Variants in CSMD1 observed in about 807,000 individuals in gnomAD.
CSMD1 encodes the protein CUB and Sushi multiple domains 1.
In CSMD1, 213 loss-of-function variants were observed where a neutral mutation model predicts 417.5. The observed-to-expected ratio is 0.51, with a 90% confidence interval of 0.46 to 0.57. The LOEUF is 0.57. CSMD1 is among the 20% of genes least tolerant of loss of function. The pLI is 0.00. For synonymous variants in CSMD1, 2,862 were observed against 1,736.8 expected (o/e 1.65, Z -16.11); for missense variants, 6,923 against 4,529.7 (o/e 1.53, Z -15.17).
At chr8:4,927,706 G>T (rs1806964798) in intron 1 of CSMD1, among the ~76,000 whole-genome samples, 1 of 152,134 alleles carries the variant, frequency 6.6e-6, no homozygotes, top group Admixed American at 6.5e-5. Context: ...GAGTAGATAT[G>T]TCAGATGATA....
At chr8:3,052,764 TA>T in intron 49 of CSMD1, 117 bp from the exon 50 acceptor site, 1 of 758,208 alleles carries the variant, frequency 1.3e-6, no homozygotes, top group Non-Finnish European at 1.9e-6. Context: ...AATTGTGAAT[TA>T]TATTTCTTTT....
intron 5 of CSMD1, among the ~76,000 whole-genome samples, chr8:3,920,192 T>C (rs1207025387): frequency 6.6e-6 from 1 of 151,996 alleles, no homozygotes; most frequent in African/African-American, 2.4e-5. Flanking sequence ...TGCCAGCATA[T>C]CTGGCTAACT....
At chr8:3,309,479 A>G (rs1354600928) in intron 23 of CSMD1, among the ~76,000 whole-genome samples, 1 of 152,218 alleles carries the variant, frequency 6.6e-6, no homozygotes, top group East Asian at 1.9e-4. Context: ...AAAGAAATAG[A>G]TGACAGAAAT....
intron 3 of CSMD1, among the ~76,000 whole-genome samples, chr8:4,115,178 C>A (rs1218525731): frequency 3.3e-5 from 5 of 152,186 alleles, no homozygotes; most frequent in Non-Finnish European, 5.9e-5. Context: ...TTCACAGCTA[C>A]CCCAGCCTTC....
intron 23 of CSMD1, among the ~76,000 whole-genome samples, chr8:3,333,639 G>A (rs928344319): frequency 6.6e-6 from 1 of 152,290 alleles, no homozygotes; most frequent in Admixed American, 6.5e-5. Flanking sequence ...GTAAAAATCT[G>A]TGAGTGTGGA....
At chr8:3,478,686 C>A (rs572935416) in intron 11 of CSMD1, among the ~76,000 whole-genome samples, 134 of 152,212 alleles carry the variant, frequency 8.8e-4, no homozygotes, top group Non-Finnish European at 1.8e-3. Flanking sequence ...CAACTGTGAC[C>A]CGTCTGACTA....
intron 5 of CSMD1, among the ~76,000 whole-genome samples, chr8:3,956,265 C>T (rs1385995946): frequency 3.9e-5 from 6 of 152,184 alleles, no homozygotes; most frequent in South Asian, 4.1e-4. Context: ...ATACATTTGA[C>T]TTTTAAAACA....
At chr8:4,042,480 A>T (rs2130642995) in intron 3 of CSMD1, among the ~76,000 whole-genome samples, 1 of 152,270 alleles carries the variant, frequency 6.6e-6, no homozygotes, top group East Asian at 1.9e-4. Context: ...CAGGGTAGAG[A>T]AACAAGTTCA....
intron 50 of CSMD1, among the ~76,000 whole-genome samples, chr8:3,039,342 TCCG>T (rs1563266896): frequency 2.9e-5 from 4 of 137,018 alleles, no homozygotes; most frequent in African/African-American, 1.3e-4. Context: ...TTTCTTCCTT[TCCG>T]CCTTCCTTCC....
intron 23 of CSMD1, among the ~76,000 whole-genome samples, chr8:3,315,643 A>G (rs1035945979): frequency 4.6e-5 from 7 of 152,280 alleles, no homozygotes; most frequent in African/African-American, 1.7e-4. Flanking sequence ...GATACTCCAC[A>G]TTTTTAAAAA....
At chr8:3,619,545 A>C (rs1802315388) in intron 7 of CSMD1, among the ~76,000 whole-genome samples, 1 of 152,174 alleles carries the variant, frequency 6.6e-6, no homozygotes, top group African/African-American at 2.4e-5. Context: ...TAAATAAAGG[A>C]ATATAAACTT....
intron 3 of CSMD1, among the ~76,000 whole-genome samples, chr8:4,174,168 G>A (rs950742463): frequency 3.3e-5 from 5 of 152,110 alleles, no homozygotes; most frequent in African/African-American, 4.8e-5. Flanking sequence ...TGCCCCTAGA[G>A]GAGAATGTTA....
chr8:3,481,310 A>G (rs555179315), intron 11 of CSMD1, among the ~76,000 whole-genome samples: 79 of 152,272 alleles, frequency 5.2e-4, no homozygotes, highest in African/African-American at 1.9e-3. Flanking sequence ...AATCTATACA[A>G]TATAAACTGG....
At chr8:3,916,749 C>T (rs973677032) in intron 5 of CSMD1, among the ~76,000 whole-genome samples, 11 of 151,984 alleles carry the variant, frequency 7.2e-5, no homozygotes, top group African/African-American at 2.7e-4. Flanking sequence ...GAATGTGTCA[C>T]AAAACTAGAG....
intron 10 of CSMD1, among the ~76,000 whole-genome samples, chr8:3,525,603 G>A (rs1585305173): frequency 6.6e-6 from 1 of 152,154 alleles, no homozygotes; most frequent in East Asian, 1.9e-4. Context: ...TCACTAGGAG[G>A]GCATCGTATC....
At chr8:4,031,302 C>A (rs548380889) in intron 4 of CSMD1, among the ~76,000 whole-genome samples, 1 of 152,150 alleles carries the variant, frequency 6.6e-6, no homozygotes, top group African/African-American at 2.4e-5. Flanking sequence ...ATAGACTTAC[C>A]GTCCCAAGTG....
intron 1 of CSMD1, among the ~76,000 whole-genome samples, chr8:4,705,445 C>G (rs1047734460): frequency 6.6e-6 from 1 of 152,162 alleles, no homozygotes; most frequent in African/African-American, 2.4e-5. Context: ...GCCTGTCATT[C>G]AAAAGTGTGC....
At chr8:3,402,366 G>C (rs185466293) in intron 15 of CSMD1, among the ~76,000 whole-genome samples, 1 of 151,934 alleles carries the variant, frequency 6.6e-6, no homozygotes. Flanking sequence ...GTTTTCTACA[G>C]ACTTTAAGCT....
intron 3 of CSMD1, among the ~76,000 whole-genome samples, chr8:4,246,721 G>A (rs1358055692): frequency 6.6e-6 from 1 of 151,884 alleles, no homozygotes; most frequent in African/African-American, 2.4e-5. Flanking sequence ...ATTTATCATT[G>A]GAATAATGAT....
Sources: gnomAD v4.1 joint callset for allele counts (sites outside exome capture counted in the v4.1 genomes callset) on GRCh38, gnomAD v4.1.1 for gene constraint, MANE v1.5 for transcripts, NCBI Gene and HGNC (gene_info 2026-07-23, HGNC 2026-07-21) for gene names.